The following TDRD6 variants were observed in gnomAD, a reference collection of about 807,000 sequenced individuals.
TDRD6 encodes the protein tudor domain containing 6, also known as tudor domain-containing protein 6.
Under a neutral mutation model 157.5 loss-of-function variants are expected in TDRD6, and 186 were observed. That is an observed-to-expected ratio of 1.18 (90% CI 1.05 to 1.33). TDRD6 has a LOEUF of 1.33. TDRD6 is among the 40% of genes most tolerant of loss of function. The pLI is 0.00. For missense variants in TDRD6, 3,066 were observed against 2,508.0 expected, an observed-to-expected ratio of 1.22 and a Z score of -4.75; for synonymous variants, 1,075 against 945.2, an observed-to-expected ratio of 1.14 and a Z score of -2.52.
At position 46,689,094 on chromosome 6, in the gene TDRD6, G is replaced by C; in HGVS notation, c.966G>C (p.Leu322=). Residue 322 remains leucine, a synonymous_variant, in exon 1 of 4, where the codon CTG becomes CTC. Coordinates refer to ENST00000316081, the MANE Select transcript of TDRD6 (RefSeq NM_001010870.3). The part of the protein sequence containing the change: ...KPGSPCASCG[L]DGHWYRALLL... ...GCTCTCCGTGTGCATCCTGTGGCCT[G>C]GATGGACATTGGTACAGAGCACTGT... 6.2e-7 allele frequency: 1 copy of C among 1,614,184 alleles called. No homozygotes were observed. The highest frequency in any genetic ancestry group is 1.3e-5 in the African/African-American group (1 of 75,062).
chr6:46,697,919 T>C, intron 2 of TDRD6, 79 bp from the exon 3 acceptor site: 1 of 754,586 alleles, frequency 1.3e-6, no homozygotes, highest in Non-Finnish European at 2.2e-6. Context: ...GTATTTCATT[T>C]TTAAAATAAT....
In TDRD6 at chr6:46,688,941, C is replaced by A. The variant is rs767171983; in HGVS notation, c.813C>A (p.Ser271Arg). Reference protein sequence around the residue: ...HPHRIHCQLRSVSQEIHRLSE... With the variant: ...HPHRIHCQLRRVSQEIHRLSE... ...ACCGCATTCACTGCCAGCTCCGCAG[C>A]GTCTCGCAGGAGATCCACCGCCTCT... Residue 271 changes from serine (S) to arginine (R), a missense_variant, in exon 1 of 4, where the codon AGC becomes AGA. Ser to Arg is a moderately radical substitution (Grantham distance 110). Coordinates refer to ENST00000316081, the MANE Select transcript of TDRD6 (RefSeq NM_001010870.3). 6.2e-7 allele frequency: 1 copy of A among 1,611,360 alleles called. No homozygotes were observed. The highest frequency in any genetic ancestry group is 8.5e-7 in the Non-Finnish European group (1 of 1,178,448).
In TDRD6 at chr6:46,689,326, A is replaced by G. The variant is rs1316707158; in HGVS notation, c.1198A>G (p.Ile400Val). The G allele has an allele frequency of 6.2e-7, 1 of 1,614,158 alleles. No homozygotes were observed. Among genetic ancestry groups the G allele is most frequent in the Non-Finnish European group, 8.5e-7 (1 of 1,180,030 alleles). The change falls in exon 1 of 4, where the codon ATA becomes GTA. Residue 400 changes from isoleucine to valine, a missense_variant. Transcript: ENST00000316081. The part of the protein sequence containing the change: ...RSQVGDLKTL[I>V]LGKAVNAKIE... ...ACAGGTCGGTGACCTGAAGACACTG[A>G]TACTAGGCAAGGCAGTGAATGCAAA...
intron 1 of TDRD6, among the ~76,000 whole-genome samples, chr6:46,694,398 T>C (rs1764440229): frequency 6.6e-6 from 1 of 151,982 alleles, no homozygotes; most frequent in Non-Finnish European, 1.5e-5. Flanking sequence ...AGACAGGGTT[T>C]GTCATGTTAT....
rs370070057 is a variant in TDRD6, at chr6:46,692,800, G to T, written c.4672G>T (p.Val1558Leu). ...AGAAGTACAGACTGCTGGAGAACAG[G>T]TAGCAGACAGGAGAAATTGTATCCC... The part of the protein sequence containing the change: ...EVEVQTAGEQ[V>L]ADRRNCIPCP... The change falls in exon 1 of 4, where the codon GTA becomes TTA. Residue 1558 changes from valine (V) to leucine (L), a missense_variant. Val to Leu is a conservative substitution (Grantham distance 32). Coordinates refer to ENST00000316081, the MANE Select transcript of TDRD6 (RefSeq NM_001010870.3). The T allele has an allele frequency of 9.3e-6, 15 of 1,613,976 alleles. No homozygotes were observed. In the African/African-American group the frequency reaches 2.0e-4, roughly 22 times the overall value.
At position 46,703,410 on chromosome 6, in the gene TDRD6, A is replaced by G. The variant is rs1018836532; in HGVS notation, c.*1523A>G. The G allele has an allele frequency of 2.0e-5, 3 of 152,140 alleles. No homozygotes were observed. Among genetic ancestry groups the G allele is most frequent in the Admixed American group, 2.0e-4 (3 of 15,244 alleles). 9.4% of individuals were successfully genotyped at this position (152,140 alleles called of 1,614,324 possible). A position where few individuals can be genotyped will look rare whatever the true frequency, so the allele number is the denominator to read the frequency against. ...TATAGATAATATAATGTGAATTGCC[A>G]GAAGCAAAGCTCAGAGAAGATGCAT... On this transcript the variant is annotated 3_prime_UTR_variant, in exon 4 of 4. Coordinates refer to ENST00000316081, the MANE Select transcript of TDRD6 (RefSeq NM_001010870.3).
At position 46,693,964 on chromosome 6, in the gene TDRD6, G is replaced by A; in HGVS notation, c.5836G>A (p.Val1946Ile). ...CTEDMRKSSC[V>I]ESFDDQRRMS... ...TGAGGACATGAGAAAGTCAAGTTGT[G>A]TAGAATCTTTTGATGACCAGCGCAG... Residue 1946 changes from valine (V) to isoleucine (I), a missense_variant, in exon 1 of 4, where the codon GTA (valine) becomes ATA (isoleucine). Physicochemically the swap from Val to Ile is conservative, Grantham distance 29. Coordinates refer to ENST00000316081, the MANE Select transcript of TDRD6 (RefSeq NM_001010870.3). 6.2e-7 allele frequency: 1 copy of A among 1,613,802 alleles called. No individual in the cohort carries two copies. The highest frequency in any genetic ancestry group is 8.5e-7 in the Non-Finnish European group (1 of 1,179,850).
chr6:46,681,940 T>A, the TDRD6 span, among the ~76,000 whole-genome samples: 1 of 151,964 alleles, frequency 6.6e-6, no homozygotes, highest in Non-Finnish European at 1.5e-5. Context: ...ACAGTTTCAG[T>A]TTGGGATGAT....
At position 46,693,573 on chromosome 6, in the gene TDRD6, A is replaced by T; in HGVS notation, c.5445A>T (p.Gly1815=). ...TTGATGATAAATACCTGATTACAGG[A>T]TTTAACACATTACTACCACATGCTA... ...AEFDDKYLIT[G]FNTLLPHANE... is the part of the protein sequence containing the mutation. Residue 1815 remains glycine, a synonymous_variant, in exon 1 of 4, where the codon GGA becomes GGT. Transcript: ENST00000316081. 6.2e-7 allele frequency: 1 copy of T among 1,614,198 alleles called. No homozygotes were observed. The highest frequency in any genetic ancestry group is 8.5e-7 in the Non-Finnish European group (1 of 1,180,032).
rs763078177 is a variant in TDRD6, at chr6:46,689,699, A to G, written c.1571A>G (p.Tyr524Cys). 77 of 1,614,140 alleles carry G rather than the reference A, an allele frequency of 4.8e-5. No homozygotes were observed. The highest frequency in any genetic ancestry group is 2.0e-4 in the Admixed American group (12 of 60,014). The stretch of plus-strand genomic sequence containing the variant: ...CTGATGAGGAGAATGTGTGGTTTCT[A>G]TTCCTCTGCCAGTAAGCTGGATGGT... ...SKLMRRMCGF[Y>C]SSASKLDGVV... The change falls in exon 1 of 4, where the codon TAT becomes TGT. Residue 524 changes from tyrosine (Y) to cysteine (C), a missense_variant. Transcript: ENST00000316081.
At chr6:46,681,324 T>A in the TDRD6 span, among the ~76,000 whole-genome samples, 1 of 152,210 alleles carries the variant, frequency 6.6e-6, no homozygotes, top group Non-Finnish European at 1.5e-5. Flanking sequence ...TCCATAAAAT[T>A]GAGAATTTGA....
At position 46,689,369 on chromosome 6, in the gene TDRD6, C is replaced by G; in HGVS notation, c.1241C>G (p.Ser414Cys). 1.2e-6 allele frequency: 2 copies of G among 1,613,952 alleles called. No individual in the cohort carries two copies. Among genetic ancestry groups the G allele is most frequent in the South Asian group, 1.1e-5 (1 of 91,078 alleles). The change falls in exon 1 of 4, where the codon TCC becomes TGC. Residue 414 changes from serine to cysteine, a missense_variant. Coordinates refer to ENST00000316081, the MANE Select transcript of TDRD6 (RefSeq NM_001010870.3). Reference protein sequence around the residue: ...AVNAKIEFYCSFEHVYYVSLY... With the variant: ...AVNAKIEFYCCFEHVYYVSLY... ...AATGCAAAGATTGAATTTTATTGCT[C>G]CTTTGAGCATGTGTATTATGTCAGC...
At chr6:46,681,001 C>T in the TDRD6 span, among the ~76,000 whole-genome samples, 1 of 152,224 alleles carries the variant, frequency 6.6e-6, no homozygotes, top group African/African-American at 2.4e-5. Context: ...TCAGCGTCCC[C>T]TACACAAAAT....
Position 46,689,000 on chromosome 6 carries a change from CG to C in TDRD6, c.876del (p.Thr293GlnfsTer61). 1 of 1,613,672 alleles carries C rather than the reference CG, an allele frequency of 6.2e-7. No homozygotes were observed. The highest frequency in any genetic ancestry group is 8.5e-7 in the Non-Finnish European group (1 of 1,179,744). On this transcript the variant is annotated frameshift_variant, in exon 1 of 4. Coordinates refer to ENST00000316081, the MANE Select transcript of TDRD6 (RefSeq NM_001010870.3). LOFTEE classifies it high-confidence loss of function. ...ESMAQVYRGS[T>X]GTGDENSTSA... ...ATGGCCCAGGTATACCGGGGTTCCACGGGGACAGGGGATGAGAACTCTACCA... is the reference window on the plus strand; with the variant it reads ...ATGGCCCAGGTATACCGGGGTTCCACGGGACAGGGGATGAGAACTCTACCA...
intron 3 of TDRD6, among the ~76,000 whole-genome samples, chr6:46,699,377 G>A (rs1562061741): frequency 1.3e-5 from 2 of 152,130 alleles, no homozygotes; most frequent in African/African-American, 2.4e-5. Context: ...CTAGAGAGAC[G>A]GGTCATCTCT....
rs748233305 is a variant in TDRD6, at chr6:46,690,342, G to T, written c.2214G>T (p.Val738=). The change falls in exon 1 of 4, where the codon GTG becomes GTT. Residue 738 remains valine, a synonymous_variant. Coordinates refer to ENST00000316081, the MANE Select transcript of TDRD6 (RefSeq NM_001010870.3). ...VVTNGSTELV[V]QEKVKRASVY... is the part of the protein sequence containing the mutation. ...CAAATGGTTCAACTGAACTAGTTGT[G>T]CAGGAAAAAGTGAAAAGAGCATCTG... 6 of 1,613,208 alleles carry T rather than the reference G, an allele frequency of 3.7e-6. No homozygotes were observed. The South Asian group carries it at 5.5e-5, about 15-fold the overall frequency.
chr6:46,695,743 G>C (rs1471703224), intron 1 of TDRD6, 78 bp from the exon 2 acceptor site: 36 of 1,409,860 alleles, frequency 2.6e-5, no homozygotes, highest in Non-Finnish European at 2.6e-5. Flanking sequence ...ATGCAGATTA[G>C]GAAAATGCTT....
upstream of TDRD6, among the ~76,000 whole-genome samples, chr6:46,684,127 C>G (rs986996411): frequency 2.6e-5 from 4 of 152,096 alleles, no homozygotes; most frequent in Non-Finnish European, 4.4e-5. Flanking sequence ...TCATTGCCCC[C>G]TATAATGATC....
the TDRD6 span, among the ~76,000 whole-genome samples, chr6:46,682,549 T>G: frequency 6.6e-6 from 1 of 151,792 alleles, no homozygotes; most frequent in African/African-American, 2.4e-5. Context: ...GGAACTGCCT[T>G]TATTCACAGA....
Sources: gnomAD v4.1 joint callset for allele counts (sites outside exome capture counted in the v4.1 genomes callset) on GRCh38, gnomAD v4.1.1 for gene constraint, MANE v1.5 for transcripts, NCBI Gene and HGNC (gene_info 2026-07-23, HGNC 2026-07-21) for gene names.